The following SRXN1 variants were observed in gnomAD, a reference collection of about 807,000 sequenced individuals.
The protein encoded by SRXN1 is sulfiredoxin-1.
A neutral mutation model predicts 11.0 loss-of-function variants in SRXN1; 11 were observed. The ratio of observed to expected loss-of-function variants is 1.00; its 90% CI spans 0.63 to 1.65. The LOEUF (loss-of-function observed/expected upper bound fraction) is 1.65, where lower values mean the gene tolerates loss of function less well. Ranked by LOEUF, SRXN1 falls within the 40% of genes most tolerant of loss-of-function variation. SRXN1 has a pLI of 0.00. For synonymous variants in SRXN1, 106 were observed against 92.8 expected (o/e 1.14, Z -0.82); for missense variants, 211 against 194.5 (o/e 1.08, Z -0.50).
intron 1 of SRXN1, among the ~76,000 whole-genome samples, chr20:652,495 T>G (rs1253655353): frequency 1.3e-5 from 2 of 152,128 alleles, no homozygotes; most frequent in African/African-American, 4.8e-5. Flanking sequence ...TCACTGACTG[T>G]CACAGCCATG....
chr20:647,928 G>A lies in SRXN1; in HGVS notation c.*786C>T, dbSNP rs1193709990. On this transcript the variant is annotated 3_prime_UTR_variant, in exon 2 of 2. Coordinates refer to ENST00000381962, the MANE Select transcript of SRXN1 (RefSeq NM_080725.3). ...GTGCCAGTCTCAGTAGATGGAACACGATTGGTCTATTCAGCCATGACAATT... is the reference window on the plus strand; with the variant it reads ...GTGCCAGTCTCAGTAGATGGAACACAATTGGTCTATTCAGCCATGACAATT... 2.7e-5 allele frequency: 10 copies of A among 374,068 alleles called. No homozygotes were observed. Among genetic ancestry groups the A allele is most frequent in the Middle Eastern group, 5.4e-4 (1 of 1,864 alleles). 23.2% of individuals were successfully genotyped at this position (374,068 alleles called of 1,614,324 possible).
At chr20:649,701 CAA>C (rs1250218344) in intron 1 of SRXN1, among the ~76,000 whole-genome samples, 185 of 101,722 alleles carry the variant, frequency 1.8e-3, no homozygotes, top group Middle Eastern at 6.2e-3. Flanking sequence ...GAATCCATCT[CAA>C]AAAAAAAAAA....
intron 1 of SRXN1, among the ~76,000 whole-genome samples, chr20:651,616 G>A (rs1329755199): frequency 3.3e-5 from 5 of 151,850 alleles, no homozygotes; most frequent in Admixed American, 1.3e-4. Context: ...CCCGGGAGGC[G>A]GAGGTTGCAG....
chr20:651,743 G>GCGGGCACACAGGTGGCTC (rs1196316833), intron 1 of SRXN1, among the ~76,000 whole-genome samples: 3 of 151,884 alleles, frequency 2.0e-5, no homozygotes, highest in Non-Finnish European at 4.4e-5. Flanking sequence ...ACAGGTGGCT[G>GCGGGCACACAGGTGGCTC]CAGGCCCACA....
chr20:650,946 A>C (rs1983656231), intron 1 of SRXN1, among the ~76,000 whole-genome samples: 4 of 152,370 alleles, frequency 2.6e-5, no homozygotes, highest in Admixed American at 1.3e-4. Context: ...GACTTGGCAG[A>C]CAGAATTAAG....
chr20:649,036 G>A, intron 1 of SRXN1, 119 bp from the exon 2 acceptor site: 1 of 1,044,106 alleles, frequency 9.6e-7, no homozygotes, highest in Non-Finnish European at 1.4e-6. Flanking sequence ...TACTGTGAGA[G>A]ACAACTGTTA....
At chr20:652,480 C>CACTGTCACTG (rs1983697234) in intron 1 of SRXN1, among the ~76,000 whole-genome samples, 1 of 152,184 alleles carries the variant, frequency 6.6e-6, no homozygotes, top group Admixed American at 6.5e-5. Context: ...CACCTAGTCC[C>CACTGTCACTG]ACTGTCACTG....
intron 1 of SRXN1, 54 bp downstream of exon 1, chr20:652,909 CCCTCCTCCGGCAA>C (rs1983710651): frequency 9.8e-6 from 9 of 922,328 alleles, no homozygotes; most frequent in Admixed American, 6.0e-5. Flanking sequence ...GCAGCGACCT[CCCTCCTCCGGCAA>C]CCTCCCTCCT....
rs1983578460 is a variant in SRXN1, at chr20:648,073, G to A, written c.*641C>T. The A allele has an allele frequency of 6.6e-6, 3 of 456,160 alleles. No individual in the cohort carries two copies. The highest frequency in any genetic ancestry group is 1.3e-5 in the Non-Finnish European group (3 of 226,982). The allele number at this position is 456,160 out of a possible 1,614,324, so 28.3% of individuals were successfully genotyped here. A position where few individuals can be genotyped will look rare whatever the true frequency, so the allele number is the denominator to read the frequency against. On this transcript the variant is annotated 3_prime_UTR_variant, in exon 2 of 2. Coordinates refer to ENST00000381962, the MANE Select transcript of SRXN1 (RefSeq NM_080725.3). ...GAGCAGGAAACAGACTTCTGACGAG[G>A]TTTTACTTTCTGATAGAAGGTGACG...
intron 1 of SRXN1, among the ~76,000 whole-genome samples, chr20:652,215 T>C (rs963004574): frequency 2.2e-4 from 34 of 152,024 alleles, no homozygotes; most frequent in Admixed American, 2.0e-3. Flanking sequence ...CTAGTGTAAA[T>C]ACTAGGACTG....
rs1363814129 is a variant in SRXN1, at chr20:648,491, G to A, written c.*223C>T. 1.5e-6 allele frequency: 1 copy of A among 661,194 alleles called. No homozygotes were observed. Among genetic ancestry groups the A allele is most frequent in the East Asian group, 2.8e-5 (1 of 35,254 alleles). 41.0% of individuals were successfully genotyped at this position (661,194 alleles called of 1,614,324 possible). A position where few individuals can be genotyped will look rare whatever the true frequency, so the allele number is the denominator to read the frequency against. On this transcript the variant is annotated 3_prime_UTR_variant, in exon 2 of 2. Transcript: ENST00000381962. ...TTCTCCTTCTCGGTAATGCTTCAAG[G>A]GTAAGGCCATGATCCTATTGTCACA...
chr20:651,372 C>T (rs1240395248), intron 1 of SRXN1, among the ~76,000 whole-genome samples: 5 of 152,154 alleles, frequency 3.3e-5, no homozygotes, highest in African/African-American at 7.2e-5. Flanking sequence ...TCAGAGCCTA[C>T]GGTTCTAGCA....
intron 1 of SRXN1, among the ~76,000 whole-genome samples, chr20:649,365 C>T (rs536282920): frequency 6.6e-6 from 1 of 152,104 alleles, no homozygotes; most frequent in African/African-American, 2.4e-5. Flanking sequence ...ATGGGGTCCA[C>T]GAGGCCTCTC....
At chr20:650,636 C>T (rs554798698) in intron 1 of SRXN1, among the ~76,000 whole-genome samples, 14 of 152,356 alleles carry the variant, frequency 9.2e-5, no homozygotes, top group Middle Eastern at 3.4e-3. Context: ...CAAGCCTGAG[C>T]TCTGGAACCT....
In SRXN1 at chr20:653,007, G is replaced by C; in HGVS notation, c.179C>G (p.Ala60Gly). The change falls in exon 1 of 2, where the codon GCC becomes GGC. Residue 60 changes from alanine to glycine, a missense_variant. Physicochemically the swap from Ala to Gly is moderately conservative, Grantham distance 60. Coordinates refer to ENST00000381962, the MANE Select transcript of SRXN1 (RefSeq NM_080725.3). ...CGTGTCCACGAGGCTCTGCACCTTG[G>C]CGGGGTCCAACACGGACGGCAGCGG... Reference protein sequence around the residue: ...IRPLPSVLDPAKVQSLVDTIR... With the variant: ...IRPLPSVLDPGKVQSLVDTIR... 6.4e-7 allele frequency: 1 copy of C among 1,570,100 alleles called. No individual in the cohort carries two copies. Among genetic ancestry groups the C allele is most frequent in the Non-Finnish European group, 8.6e-7 (1 of 1,160,464 alleles).
At chr20:649,323 A>G (rs1481030631) in intron 1 of SRXN1, among the ~76,000 whole-genome samples, 1 of 152,244 alleles carries the variant, frequency 6.6e-6, no homozygotes, top group Admixed American at 6.5e-5. Context: ...GACAAATGCT[A>G]TAATGACAAT....
chr20:649,624 C>A (rs1436587971), intron 1 of SRXN1, among the ~76,000 whole-genome samples: 2 of 151,860 alleles, frequency 1.3e-5, no homozygotes, highest in Non-Finnish European at 2.9e-5. Context: ...ATCACTTGAA[C>A]CCAGGAGGCG....
chr20:648,911 G>C lies in SRXN1; in HGVS notation c.217C>G (p.Pro73Ala). The change falls in exon 2 of 2, where the codon CCA becomes GCA. Residue 73 changes from proline to alanine, a missense_variant. Pro to Ala is a conservative substitution (Grantham distance 27). Transcript: ENST00000381962. ...ACATCGATGGGGGGCACGCTGTCTG[G>C]GTCCTCCTGGGGAGAAGAGGCACAG... ...QSLVDTIRED[P>A]DSVPPIDVLW... 1.9e-6 allele frequency: 3 copies of C among 1,614,046 alleles called. No homozygotes were observed. The highest frequency in any genetic ancestry group is 2.5e-6 in the Non-Finnish European group (3 of 1,180,002).
At chr20:652,868 G>A (rs1600466069) in intron 1 of SRXN1, 108 bp downstream of exon 1, 2 of 1,293,800 alleles carry the variant, frequency 1.5e-6, no homozygotes, top group Non-Finnish European at 2.0e-6. Context: ...AGCTCCGGCT[G>A]GGCCCGGAAC....
Sources: allele counts gnomAD v4.1 joint callset (sites outside exome capture counted in the v4.1 genomes callset), GRCh38; gene constraint gnomAD v4.1.1; transcripts MANE v1.5; gene names NCBI Gene and HGNC (gene_info 2026-07-23, HGNC 2026-07-21).